DEAF1: variants seen among roughly 807,000 people sequenced by gnomAD.
DEAF1 encodes DEAF1 transcription factor.
DEAF1 carries 53 observed loss-of-function variants against 58.9 expected under a neutral mutation model. The ratio of observed to expected loss-of-function variants is 0.90; its 90% CI spans 0.72 to 1.13. The LOEUF is 1.13. DEAF1 is among the 50% of genes most tolerant of loss of function. The probability of loss-of-function intolerance (pLI) is 0.00; values close to 1 mark genes in which losing one functional copy is unlikely to be tolerated. For missense variants in DEAF1, 685 were observed against 791.4 expected, an observed-to-expected ratio of 0.87 and a Z score of 1.61; for synonymous variants, 385 against 340.4, an observed-to-expected ratio of 1.13 and a Z score of -1.44.
chr11:684,580 C>T (rs1860505871), intron 6 of DEAF1, among the ~76,000 whole-genome samples: 1 of 152,132 alleles, frequency 6.6e-6, no homozygotes, highest in Non-Finnish European at 1.5e-5. Flanking sequence ...AAATGGCATG[C>T]ATACAAGGAA....
At chr11:679,082 A>G (rs1034902298) in intron 8 of DEAF1, among the ~76,000 whole-genome samples, 4 of 152,074 alleles carry the variant, frequency 2.6e-5, no homozygotes, top group Non-Finnish European at 5.9e-5. Context: ...GGAGGCCAAG[A>G]TGGGCGCATC....
upstream of DEAF1, among the ~76,000 whole-genome samples, chr11:696,257 G>C (rs1861152074): frequency 6.6e-6 from 1 of 152,188 alleles, no homozygotes; most frequent in African/African-American, 2.4e-5. Flanking sequence ...GCCTCCGAGA[G>C]GAGGAAGGGA....
At chr11:696,885 G>A (rs982473173), upstream of DEAF1, among the ~76,000 whole-genome samples, 1 of 152,068 alleles carries the variant, frequency 6.6e-6, no homozygotes, top group Non-Finnish European at 1.5e-5. Flanking sequence ...TTCAAGACCA[G>A]CCTGACCAAC....
At chr11:707,024 C>T (rs1404057710) in exon 1 of DEAF1, among the ~76,000 whole-genome samples, 3 of 152,004 alleles carry the variant, frequency 2.0e-5, no homozygotes, top group Non-Finnish European at 4.4e-5. Context: ...GAGGCAGGGC[C>T]GGGCATGCCC....
At chr11:667,072 C>A (rs1564934164) in intron 10 of DEAF1, among the ~76,000 whole-genome samples, 1 of 151,286 alleles carries the variant, frequency 6.6e-6, no homozygotes, top group Non-Finnish European at 1.5e-5. Context: ...TGGTGGTACA[C>A]ATGTGTAGTC....
chr11:664,390 C>A (rs977359071), intron 10 of DEAF1, among the ~76,000 whole-genome samples: 2 of 152,118 alleles, frequency 1.3e-5, no homozygotes, highest in Non-Finnish European at 2.9e-5. Context: ...GTATCACATT[C>A]GGAGCCTCTA....
chr11:662,725 C>T (rs975402736), intron 10 of DEAF1, among the ~76,000 whole-genome samples: 1 of 152,204 alleles, frequency 6.6e-6, no homozygotes, highest in African/African-American at 2.4e-5. Flanking sequence ...CAGAACACAA[C>T]GGCCTTGCTC....
rs368828038 is a variant in DEAF1, at chr11:694,925, C to G, written c.123G>C (p.Val41=). 2.5e-5 allele frequency: 35 copies of G among 1,385,666 alleles called. No homozygotes were observed. The African/African-American group carries it at 4.9e-4, about 19-fold the overall frequency. 85.8% of individuals were successfully genotyped at this position (1,385,666 alleles called of 1,614,324 possible). ...CCTCCGAGTCCTCGTCCCTGCTCAG[C>G]ACCGGCTCCTCCGCCTCGCCTCCTG... ...AAAGGEAEEP[V]LSRDEDSEED... is the part of the protein sequence containing the mutation. Residue 41 remains valine, a synonymous_variant, in exon 1 of 12, where the codon GTG becomes GTC. Coordinates refer to ENST00000382409, the MANE Select transcript of DEAF1 (RefSeq NM_021008.4).
chr11:703,769 A>G lies in DEAF1; in HGVS notation c.-438+2803T>C, dbSNP rs73407142. The G allele has an allele frequency of 4.0e-3, 4,984 of 1,232,980 alleles. 142 individuals carry two copies. In the African/African-American group the frequency reaches 0.068, roughly 17 times the overall value. 76.4% of individuals were successfully genotyped at this position (1,232,980 alleles called of 1,614,324 possible). Reference sequence around the variant, plus strand: ...AAGCCAACAGCTCTGCTGCCTAGCAATTTCCATCTTAGCCACACTTCTCCC... The same window carrying G: ...AAGCCAACAGCTCTGCTGCCTAGCAGTTTCCATCTTAGCCACACTTCTCCC... On this transcript the variant is annotated intron_variant, in intron 1 of 11. Coordinates refer to the DEAF1 transcript ENST00000683307.
intron 1 of DEAF1, chr11:704,059 T>G (rs1403617907): frequency 3.5e-6 from 4 of 1,146,328 alleles, no homozygotes; most frequent in African/African-American, 3.2e-5. Flanking sequence ...TTGGAATAAT[T>G]ACACCCAAAT....
chr11:678,592 A>AAAAAC lies in DEAF1; in HGVS notation c.1255+101_1255+102insGTTTT, dbSNP rs1187089640. On this transcript the variant is annotated intron_variant, in intron 9 of 11. Transcript: ENST00000382409. ...CTGATCTAATGCATCAACAAAAACA[A>AAAAAC]CAAACCAAACCAAAATGAATCCCAT... The AAAAAC allele has an allele frequency of 1.9e-6, 3 of 1,577,224 alleles. No homozygotes were observed. The African/African-American group carries it at 4.0e-5, about 21-fold the overall frequency.
At chr11:670,114 T>C (rs1420103283) in intron 10 of DEAF1, among the ~76,000 whole-genome samples, 1 of 151,072 alleles carries the variant, frequency 6.6e-6, no homozygotes, top group East Asian at 1.9e-4. Flanking sequence ...TGACTGTCCA[T>C]GGGGCAGGGG....
chr11:667,932 C>A (rs1300752477), intron 10 of DEAF1, among the ~76,000 whole-genome samples: 1 of 151,580 alleles, frequency 6.6e-6, no homozygotes, highest in Non-Finnish European at 1.5e-5. Context: ...AGCAACATGG[C>A]GAAACCCCGT....
At chr11:693,904 G>A (rs1224586725) in intron 1 of DEAF1, among the ~76,000 whole-genome samples, 2 of 152,052 alleles carry the variant, frequency 1.3e-5, no homozygotes, top group Middle Eastern at 3.2e-3. Flanking sequence ...CAGGTCCTTA[G>A]GGAAAAAGGC....
chr11:654,511 G>A lies in DEAF1; in HGVS notation c.1504-460C>T, dbSNP rs7951023. On this transcript the variant is annotated intron_variant, in intron 10 of 11. Transcript: ENST00000382409. Reference sequence around the variant, plus strand: ...CCTCTGCCCCAGTGCTGCTCAGAACGTTCTTGTCACCTCCAGAATCAGCTC... The same window carrying A: ...CCTCTGCCCCAGTGCTGCTCAGAACATTCTTGTCACCTCCAGAATCAGCTC... 73,137 of 454,842 alleles carry A rather than the reference G, an allele frequency of 0.16. 9,712 individuals are homozygous for A. The highest frequency in any genetic ancestry group is 0.48 in the African/African-American group (23,820 of 49,166). 28.2% of individuals were successfully genotyped at this position (454,842 alleles called of 1,614,324 possible). A position where few individuals can be genotyped will look rare whatever the true frequency, so the allele number is the denominator to read the frequency against.
At chr11:698,904 C>G (rs1389768725), upstream of DEAF1, 2 of 1,614,020 alleles carry the variant, frequency 1.2e-6, no homozygotes, top group East Asian at 2.2e-5. Context: ...CTGCTGCGTG[C>G]CCCTCCAGGA....
chr11:656,624 C>T (rs1346206867), intron 10 of DEAF1, among the ~76,000 whole-genome samples: 2 of 152,202 alleles, frequency 1.3e-5, no homozygotes, highest in African/African-American at 2.4e-5. Context: ...GGGAGGCTGG[C>T]GGGAGCGTGG....
At chr11:646,022 G>A (rs551944807) in intron 11 of DEAF1, among the ~76,000 whole-genome samples, 2 of 152,170 alleles carry the variant, frequency 1.3e-5, no homozygotes, top group East Asian at 3.9e-4. Context: ...GGAGGCCGAG[G>A]TGGGCAGATC....
rs527498439 is a variant in DEAF1, at chr11:654,646, G to A, written c.1504-595C>T. 4.0e-4 allele frequency: 182 copies of A among 455,108 alleles called. 2 individuals are homozygous for A. Among genetic ancestry groups the A allele is most frequent in the South Asian group, 2.7e-3 (173 of 64,536 alleles). The allele number at this position is 455,108 out of a possible 1,614,324, so 28.2% of individuals were successfully genotyped here. ...TCCCAGGACTTTGGGCAGCCGAGGC[G>A]GGTGGATCACCTGAGGTCAGGAGTT... On this transcript the variant is annotated intron_variant, in intron 10 of 11. Transcript: ENST00000382409.
Sources: allele counts gnomAD v4.1 joint callset (sites outside exome capture counted in the v4.1 genomes callset), GRCh38; gene constraint gnomAD v4.1.1; transcripts MANE v1.5; gene names NCBI Gene and HGNC (gene_info 2026-07-23, HGNC 2026-07-21).